NUP58: variants seen among roughly 807,000 people sequenced by gnomAD.
NUP58 encodes nucleoporin p58/p45.
NUP58 carries 17 observed loss-of-function variants against 70.1 expected under a neutral mutation model. That is an observed-to-expected ratio of 0.24 (90% CI 0.17 to 0.36). The LOEUF is 0.36. Ranked by LOEUF, NUP58 falls within the 10% of genes least tolerant of loss-of-function variation. The pLI is 1.00. For synonymous variants in NUP58, 275 were observed against 257.6 expected (o/e 1.07, Z -0.65); for missense variants, 644 against 701.5 (o/e 0.92, Z 0.93).
downstream of NUP58, chr13:25,342,499 C>T (rs1322957878): frequency 1.3e-5 from 2 of 152,186 alleles, no homozygotes; most frequent in African/African-American, 2.4e-5. Flanking sequence ...TAGTATATTC[C>T]CTTCATTGGT....
Position 25,313,384 on chromosome 13 carries a change from A to G in NUP58, c.437-230A>G, listed in dbSNP as rs2030768569. Among the ~76,000 whole-genome samples, 5 of 152,328 alleles carry G rather than the reference A, an allele frequency of 3.3e-5. No homozygotes were observed. The South Asian group carries it at 1.0e-3, about 32-fold the overall frequency. On this transcript the variant is annotated intron_variant, in intron 4 of 15. Coordinates refer to ENST00000381736, the MANE Select transcript of NUP58 (RefSeq NM_014089.4). ...GAAGACAATATTGCTATCTAGAATC[A>G]GTTACCTGGTACCATTCTAATACTC...
downstream of NUP58, among the ~76,000 whole-genome samples, chr13:25,345,652 G>A (rs1224804819): frequency 6.6e-6 from 1 of 151,982 alleles, no homozygotes; most frequent in African/African-American, 2.4e-5. Context: ...TTTAGGAACT[G>A]TCAAAGAGAA....
chr13:25,338,538 A>C, intron 14 of NUP58, 98 bp from the exon 15 acceptor site: 1 of 801,400 alleles, frequency 1.2e-6, no homozygotes, highest in Non-Finnish European at 2.1e-6. Flanking sequence ...TCAGCACTGT[A>C]TCTGTTAGAC....
At chr13:25,333,560 A>C in intron 13 of NUP58, 6 of 985,390 alleles carry the variant, frequency 6.1e-6, no homozygotes, top group Non-Finnish European at 7.2e-6. Context: ...AAGCTAAACA[A>C]CAGTGATAAC....
In NUP58 at chr13:25,314,785, G is replaced by T. The variant is rs1393399774; in HGVS notation, c.575-572G>T. On this transcript the variant is annotated intron_variant, in intron 5 of 15. Coordinates refer to ENST00000381736, the MANE Select transcript of NUP58 (RefSeq NM_014089.4). The stretch of plus-strand genomic sequence containing the variant: ...GCTTGACTCACAAGTGTACGTTAAT[G>T]ACTTATGATTAACCGTAGTCTGGTC... Among the ~76,000 whole-genome samples the T allele has an allele frequency of 3.3e-5, 5 of 152,160 alleles. 1 individual carries two copies. The South Asian group carries it at 8.3e-4, about 25-fold the overall frequency.
intron 1 of NUP58, chr13:25,302,912 T>A (rs2137697024): frequency 2.2e-6 from 1 of 453,326 alleles, no homozygotes; most frequent in African/African-American, 2.0e-5. Context: ...CATTTCTGTT[T>A]GTCTTTATTT....
At chr13:25,349,469 C>G (rs923307256) in intron 3 of NUP58, 1 of 152,444 alleles carries the variant, frequency 6.6e-6, no homozygotes, top group Admixed American at 6.5e-5. Flanking sequence ...GTTTAGCTTA[C>G]GTAAGGTGCT....
intron 13 of NUP58, chr13:25,334,008 A>G: frequency 1.0e-6 from 1 of 985,288 alleles, no homozygotes; most frequent in Non-Finnish European, 1.2e-6. Context: ...GAGGAGGAGG[A>G]ATAGACTTAA....
At chr13:25,334,915 TAAG>T in intron 13 of NUP58, 1 of 985,032 alleles carries the variant, frequency 1.0e-6, no homozygotes, top group East Asian at 1.1e-4. Context: ...TTTATGGAAA[TAAG>T]AACCTCTCAT....
chr13:25,309,471 G>A (rs886620513), intron 3 of NUP58, 189 bp downstream of exon 3: 14 of 477,310 alleles, frequency 2.9e-5, no homozygotes, highest in Non-Finnish European at 4.7e-5. Flanking sequence ...GAATGACTTC[G>A]TAGAGTACTT....
chr13:25,307,951 G>T lies in NUP58; in HGVS notation c.250+3G>T. 6.2e-7 allele frequency: 1 copy of T among 1,613,758 alleles called. No homozygotes were observed. The highest frequency in any genetic ancestry group is 8.5e-7 in the Non-Finnish European group (1 of 1,179,870). ...CACTCTAGGAGGAACAAATACAGGT[G>T]AGGAGGATCTGATCACATTGTCAGA... is the stretch of plus-strand genomic sequence containing the variant. On this transcript the variant is annotated splice_donor_region_variant and intron_variant, in intron 2 of 15. Transcript: ENST00000381736.
chr13:25,317,715 A>G (rs951927216), intron 6 of NUP58: 1 of 152,136 alleles, frequency 6.6e-6, no homozygotes, highest in Non-Finnish European at 1.5e-5. Context: ...ATAGGTGGCA[A>G]TTTTAGAGAT....
chr13:25,307,896 GCT>G lies in NUP58; in HGVS notation c.201_202del (p.Phe68TrpfsTer3). On this transcript the variant is annotated frameshift_variant, in exon 2 of 16. Transcript: ENST00000381736. LOFTEE classifies it high-confidence loss of function. ...CTCCTTCAAGTGGTTTTGGAACCGG[GCT>G]CTTTGGATCTAAACCTGCCACTGGG... ...SAPSSGFGTG[L>X]FGSKPATGFT... is the part of the protein sequence containing the mutation. 1 of 1,614,096 alleles carries G rather than the reference GCT, an allele frequency of 6.2e-7. No individual in the cohort carries two copies. The highest frequency in any genetic ancestry group is 8.5e-7 in the Non-Finnish European group (1 of 1,180,006).
At chr13:25,308,600 C>T (rs2030499821) in intron 2 of NUP58, among the ~76,000 whole-genome samples, 1 of 151,944 alleles carries the variant, frequency 6.6e-6, no homozygotes, top group Non-Finnish European at 1.5e-5. Flanking sequence ...CCTGAGTTAC[C>T]ATGCCTGGTC....
rs1011587979 is a variant in NUP58, at chr13:25,340,222, C to G, written c.*88C>G. 20 of 1,190,452 alleles carry G rather than the reference C, an allele frequency of 1.7e-5. No homozygotes were observed. Among genetic ancestry groups the G allele is most frequent in the Admixed American group, 3.4e-5 (1 of 29,260 alleles). The allele number at this position is 1,190,452 out of a possible 1,614,324, so 73.7% of individuals were successfully genotyped here. ...TAATGATGCAGTAATTAAATTGCATCCCAGGAGATTTATAAAGTTTTGATA... is the reference window on the plus strand; with the variant it reads ...TAATGATGCAGTAATTAAATTGCATGCCAGGAGATTTATAAAGTTTTGATA... On this transcript the variant is annotated 3_prime_UTR_variant, in exon 16 of 16. Transcript: ENST00000381736.
intron 1 of NUP58, among the ~76,000 whole-genome samples, chr13:25,307,322 C>A (rs1463429108): frequency 7.0e-6 from 1 of 143,686 alleles, no homozygotes; most frequent in African/African-American, 2.5e-5. Flanking sequence ...AAGCAATTCT[C>A]CTGCCTCAGC....
Position 25,341,130 on chromosome 13 carries a change from C to G in NUP58, c.*996C>G, listed in dbSNP as rs1178456183. 3.9e-5 allele frequency: 6 copies of G among 152,160 alleles called. No individual in the cohort carries two copies. Among genetic ancestry groups the G allele is most frequent in the Non-Finnish European group, 5.9e-5 (4 of 68,052 alleles). The allele number at this position is 152,160 out of a possible 1,614,324, so 9.4% of individuals were successfully genotyped here. Reference sequence around the variant, plus strand: ...TACTGGCGTAAATACTTGGCCAACTCAACTTTATTGCCCCTGATCTTTTCC... The same window carrying G: ...TACTGGCGTAAATACTTGGCCAACTGAACTTTATTGCCCCTGATCTTTTCC... On this transcript the variant is annotated 3_prime_UTR_variant, in exon 16 of 16. Transcript: ENST00000381736.
chr13:25,331,817 C>T lies in NUP58; in HGVS notation c.1435+259C>T, dbSNP rs1335891535. 26 of 1,275,748 alleles carry T rather than the reference C, an allele frequency of 2.0e-5. 1 individual carries two copies. The East Asian group carries it at 4.2e-4, about 21-fold the overall frequency. The allele number at this position is 1,275,748 out of a possible 1,614,324, so 79.0% of individuals were successfully genotyped here. The stretch of plus-strand genomic sequence containing the variant: ...TTATTTGCTGTAATGCTATAAATGC[C>T]CTTTAGAACATGGTGTTTCACTAGT... On this transcript the variant is annotated intron_variant, in intron 13 of 15. Transcript: ENST00000381736.
chr13:25,310,020 G>C (rs1359773358), intron 3 of NUP58: 1 of 403,708 alleles, frequency 2.5e-6, no homozygotes, highest in Non-Finnish European at 4.9e-6. Flanking sequence ...ACACAAGCAA[G>C]TGAATCTTCT....
Sources: gnomAD v4.1 joint callset for allele counts (sites outside exome capture counted in the v4.1 genomes callset) on GRCh38, gnomAD v4.1.1 for gene constraint, MANE v1.5 for transcripts, NCBI Gene and HGNC (gene_info 2026-07-23, HGNC 2026-07-21) for gene names.